AGAP3: variants seen among roughly 807,000 people sequenced by gnomAD.
The protein encoded by AGAP3 is ArfGAP with GTPase domain, ankyrin repeat and PH domain 3, also known as arf-GAP with GTPase, ANK repeat and PH domain-containing protein 3.
Under a neutral mutation model 96.9 loss-of-function variants are expected in AGAP3, and 24 were observed. The ratio of observed to expected loss-of-function variants is 0.25; its 90% CI spans 0.18 to 0.35. The LOEUF is 0.35. Among genes scored for constraint, AGAP3 ranks in the 10% least tolerant of loss-of-function variants. The pLI, the probability that AGAP3 is intolerant of heterozygous loss-of-function variation, is 1.00. For synonymous variants in AGAP3, 563 were observed against 536.1 expected (o/e 1.05, Z -0.69); for missense variants, 876 against 1,254.2 (o/e 0.70, Z 4.55).
rs1424711705 is a variant in AGAP3, at chr7:151,114,815, G to A, written c.332-1978G>A. 2.8e-6 allele frequency: 3 copies of A among 1,057,706 alleles called. No homozygotes were observed. The highest frequency in any genetic ancestry group is 3.4e-5 in the South Asian group (1 of 29,194). 65.5% of individuals were successfully genotyped at this position (1,057,706 alleles called of 1,614,324 possible). A position where few individuals can be genotyped will look rare whatever the true frequency, so the allele number is the denominator to read the frequency against. Reference sequence around the variant, plus strand: ...AGGGGGACAGCTGTCCCGGGGAGCGGCCCGCCGCTTGCCGCCGCGCCCACA... The same window carrying A: ...AGGGGGACAGCTGTCCCGGGGAGCGACCCGCCGCTTGCCGCCGCGCCCACA... On this transcript the variant is annotated intron_variant, in intron 1 of 17. Coordinates refer to ENST00000397238, the MANE Select transcript of AGAP3 (RefSeq NM_031946.7). The surrounding 1 kb of genome is among the most constrained non-coding windows in gnomAD (Gnocchi z 4.4).
In AGAP3 at chr7:151,142,298, GA is replaced by G; in HGVS notation, c.2050+48del. ...GGCTGGGAGCTGGGGATGGCCCAGGGAAAGCTTCGCAAGCATCAGGGAGCAG... is the reference window on the plus strand; with the variant it reads ...GGCTGGGAGCTGGGGATGGCCCAGGGAAGCTTCGCAAGCATCAGGGAGCAG... On this transcript the variant is annotated intron_variant, in intron 15 of 17. Transcript: ENST00000397238. The surrounding 1 kb of genome is among the most constrained non-coding windows in gnomAD (Gnocchi z 7.5). 6.2e-7 allele frequency: 1 copy of G among 1,606,640 alleles called. No individual in the cohort carries two copies.
At position 151,087,052 on chromosome 7, in the gene AGAP3, A is replaced by G. The variant is rs1195253621; in HGVS notation, c.311A>G (p.Glu104Gly). The change falls in exon 1 of 18, where the codon GAG becomes GGG. Residue 104 changes from glutamate (E) to glycine (G), a missense_variant. This residue lies in a region of AGAP3 where 131 missense variants were observed against 304.5 expected (regional missense o/e 0.43). Coordinates refer to ENST00000397238, the MANE Select transcript of AGAP3 (RefSeq NM_031946.7). Reference sequence around the variant, plus strand: ...TTGGCGCTGCAGAACCAGATCCGGGAGCACGTCATCTCCATCGAGGGTGAG... The same window carrying G: ...TTGGCGCTGCAGAACCAGATCCGGGGGCACGTCATCTCCATCGAGGGTGAG... Reference protein sequence around the residue: ...EDLALQNQIREHVISIEDSFV... With the variant: ...EDLALQNQIRGHVISIEDSFV... 6.2e-7 allele frequency: 1 copy of G among 1,608,082 alleles called. No individual in the cohort carries two copies. The highest frequency in any genetic ancestry group is 1.3e-5 in the African/African-American group (1 of 74,760).
At position 151,105,884 on chromosome 7, in the gene AGAP3, A is replaced by T. The variant is rs200115391; in HGVS notation, c.332-10909A>T. ...AGGTAAGAGTCTTTTTTTTTTTTTT[A>T]AACCAGCTCATGTTTAATTGTGACA... On this transcript the variant is annotated intron_variant, in intron 1 of 17. Transcript: ENST00000397238. Among the ~76,000 whole-genome samples the T allele has an allele frequency of 1.6e-3, 156 of 98,300 alleles. 2 individuals carry two copies. In the East Asian group the frequency reaches 0.05, roughly 31 times the overall value. The allele number at this position is 98,300 out of a possible 152,430, so 64.5% of individuals were successfully genotyped here. A position where few individuals can be genotyped will look rare whatever the true frequency, so the allele number is the denominator to read the frequency against.
rs1798147192 is a variant in AGAP3, at chr7:151,086,482, C to T, written c.-260C>T. 6.8e-6 allele frequency among the ~76,000 whole-genome samples: 1 copy of T among 147,728 alleles called. No homozygotes were observed. Among genetic ancestry groups the T allele is most frequent in the Non-Finnish European group, 1.5e-5 (1 of 66,196 alleles). ...CGCGCTCCCGGTCCCGTTGTTGTTGCCGCTGGAGGCTGCTCCGAGGCAGCG... is the reference window on the plus strand; with the variant it reads ...CGCGCTCCCGGTCCCGTTGTTGTTGTCGCTGGAGGCTGCTCCGAGGCAGCG... On this transcript the variant is annotated 5_prime_UTR_variant, in exon 1 of 18. Transcript: ENST00000397238.
intron 10 of AGAP3, among the ~76,000 whole-genome samples, chr7:151,132,094 C>T (rs1800425200): frequency 1.3e-5 from 2 of 152,184 alleles, no homozygotes; most frequent in Non-Finnish European, 2.9e-5. Flanking sequence ...GGGCTGAAAG[C>T]AAGACAGAGG....
intron 1 of AGAP3, among the ~76,000 whole-genome samples, chr7:151,112,708 C>T (rs1158903540): frequency 6.6e-6 from 1 of 152,124 alleles, no homozygotes; most frequent in Non-Finnish European, 1.5e-5. Context: ...AAGCGATCCT[C>T]CCACGTCAGC....
chr7:151,122,023 C>T (rs1799919276), intron 8 of AGAP3, among the ~76,000 whole-genome samples: 1 of 152,226 alleles, frequency 6.6e-6, no homozygotes, highest in African/African-American at 2.4e-5. Flanking sequence ...CTGCTCTTGC[C>T]CCAGTTCCTG....
intron 9 of AGAP3, among the ~76,000 whole-genome samples, chr7:151,125,239 C>T (rs729711): frequency 6.6e-6 from 1 of 152,034 alleles, no homozygotes; most frequent in African/African-American, 2.4e-5. Flanking sequence ...CACACTTCAC[C>T]GAATTCACTA....
intron 1 of AGAP3, among the ~76,000 whole-genome samples, chr7:151,088,705 C>T (rs1798256547): frequency 6.6e-6 from 1 of 152,216 alleles, no homozygotes; most frequent in Non-Finnish European, 1.5e-5. Context: ...CCGGGCTCCC[C>T]TGGCTCCAGC....
In AGAP3 at chr7:151,118,241, C is replaced by T. The variant is rs1395917213; in HGVS notation, c.738C>T (p.Ile246=). ...TCAGCGCTGCGAATCCCCGGGTTAT[C>T]GACGACAGCAGAGCCCGCAAGCTCT... is the stretch of plus-strand genomic sequence containing the variant. ...DAISAANPRV[I]DDSRARKLST... The change falls in exon 6 of 18, where the codon ATC becomes ATT. Residue 246 remains isoleucine, a synonymous_variant. Transcript: ENST00000397238. The surrounding 1 kb of genome is among the most constrained non-coding windows in gnomAD (Gnocchi z 6.1). 20 of 1,612,214 alleles carry T rather than the reference C, an allele frequency of 1.2e-5. No homozygotes were observed. Among genetic ancestry groups the T allele is most frequent in the Non-Finnish European group, 1.5e-5 (18 of 1,178,444 alleles).
intron 1 of AGAP3, among the ~76,000 whole-genome samples, chr7:151,098,604 T>C (rs1798704567): frequency 6.6e-6 from 1 of 152,136 alleles, no homozygotes; most frequent in Non-Finnish European, 1.5e-5. Context: ...TGAGCCGTGA[T>C]CACACCACTA....
chr7:151,092,235 G>A (rs1342958442), intron 1 of AGAP3, among the ~76,000 whole-genome samples: 1 of 152,190 alleles, frequency 6.6e-6, no homozygotes, highest in Non-Finnish European at 1.5e-5. Context: ...CCCTGGCCCA[G>A]AAGTGGAGGG....
intron 9 of AGAP3, among the ~76,000 whole-genome samples, chr7:151,127,309 A>C (rs1205319581): frequency 6.6e-6 from 1 of 152,120 alleles, no homozygotes; most frequent in African/African-American, 2.4e-5. Context: ...GGGGCCCTCC[A>C]TTCCTAAAGG....
intron 8 of AGAP3, 97 bp downstream of exon 8, chr7:151,120,242 G>A: frequency 7.5e-7 from 1 of 1,326,660 alleles, no homozygotes; most frequent in Non-Finnish European, 1.0e-6. Flanking sequence ...GCAGCCCCAA[G>A]TCAGGAAGAC....
Position 151,096,295 on chromosome 7 carries a change from C to T in AGAP3, c.331+9223C>T, listed in dbSNP as rs914175147. 2.6e-4 allele frequency among the ~76,000 whole-genome samples: 39 copies of T among 152,094 alleles called. No individual in the cohort carries two copies. Among genetic ancestry groups the T allele is most frequent in the African/African-American group, 2.4e-4 (10 of 41,412 alleles). On this transcript the variant is annotated intron_variant, in intron 1 of 17. Transcript: ENST00000397238. The surrounding 1 kb of genome is among the most constrained non-coding windows in gnomAD (Gnocchi z 4.4). ...AGCCCAGGTGGCAGAGTGTGGGGTA[C>T]GTTGGTTTAGCTCATCCAGGCCCAG... is the stretch of plus-strand genomic sequence containing the variant.
At chr7:151,091,229 G>C (rs959554108) in intron 1 of AGAP3, among the ~76,000 whole-genome samples, 1 of 152,230 alleles carries the variant, frequency 6.6e-6, no homozygotes, top group East Asian at 1.9e-4. Context: ...AGGACTGGGG[G>C]GGTCTGGGAT....
In AGAP3 at chr7:151,144,058, C is replaced by G. The variant is rs549985731; in HGVS notation, c.*115C>G. 3.2e-5 allele frequency: 37 copies of G among 1,150,182 alleles called. No individual in the cohort carries two copies. The African/African-American group carries it at 5.5e-4, about 17-fold the overall frequency. 71.2% of individuals were successfully genotyped at this position (1,150,182 alleles called of 1,614,324 possible). On this transcript the variant is annotated 3_prime_UTR_variant, in exon 18 of 18. Coordinates refer to ENST00000397238, the MANE Select transcript of AGAP3 (RefSeq NM_031946.7). ...GAGAAGCAGGGACATGCTGAGAGGACGAAGCCAAGGAAATTAGGGAGGAGA... is the reference window on the plus strand; with the variant it reads ...GAGAAGCAGGGACATGCTGAGAGGAGGAAGCCAAGGAAATTAGGGAGGAGA...
At chr7:151,092,334 G>A (rs991339503) in intron 1 of AGAP3, among the ~76,000 whole-genome samples, 5 of 152,216 alleles carry the variant, frequency 3.3e-5, no homozygotes, top group Admixed American at 2.0e-4. Flanking sequence ...TCCCATGTCC[G>A]TGTGTGGCAT....
At position 151,142,914 on chromosome 7, in the gene AGAP3, C is replaced by T. The variant is rs559688837; in HGVS notation, c.2273+280C>T. Among the ~76,000 whole-genome samples, 86 of 152,312 alleles carry T rather than the reference C, an allele frequency of 5.6e-4. 3 individuals are homozygous for T. In the South Asian group the frequency reaches 0.017, roughly 30 times the overall value. ...ACGGTGTGGTGCAGAGCGCCCACTC[C>T]GGAGCTCTGAGATGGGGAGAATGGG... On this transcript the variant is annotated intron_variant, in intron 16 of 17. Coordinates refer to ENST00000397238, the MANE Select transcript of AGAP3 (RefSeq NM_031946.7). This position sits in a 1 kb window ranked among gnomAD's most constrained non-coding sequence, Gnocchi z 7.5.
Sources: allele counts gnomAD v4.1 joint callset (sites outside exome capture counted in the v4.1 genomes callset), GRCh38; gene constraint gnomAD v4.1.1; regional missense constraint gnomAD v4.1.1; non-coding constraint Gnocchi (gnomAD v3.1); transcripts MANE v1.5; gene names NCBI Gene and HGNC (gene_info 2026-07-23, HGNC 2026-07-21).